Variants in DOCK1 observed in about 807,000 individuals in gnomAD.
DOCK1 encodes the protein dedicator of cytokinesis protein 1.
In DOCK1, 138 loss-of-function variants were observed where a neutral mutation model predicts 262.7. That is an observed-to-expected ratio of 0.53 (90% CI 0.46 to 0.61). The LOEUF (loss-of-function observed/expected upper bound fraction) is 0.61. Among genes scored for constraint, DOCK1 ranks in the 20% least tolerant of loss-of-function variants. The pLI is 0.00. For synonymous variants in DOCK1, 866 were observed against 867.4 expected, an observed-to-expected ratio of 1.00 and a Z score of 0.03; for missense variants, 1,908 against 2,370.7, an observed-to-expected ratio of 0.80 and a Z score of 4.05.
chr10:127,229,328 C>T (rs2058754408), intron 27 of DOCK1, among the ~76,000 whole-genome samples: 1 of 152,166 alleles, frequency 6.6e-6, no homozygotes. Flanking sequence ...GTGATGTAGA[C>T]TTCTTGAACT....
intron 29 of DOCK1, among the ~76,000 whole-genome samples, chr10:127,294,171 C>G (rs935811972): frequency 4.2e-4 from 64 of 152,140 alleles, no homozygotes; most frequent in African/African-American, 1.5e-3. Flanking sequence ...CTTGGGGTGT[C>G]CAGTTTAAGG....
In DOCK1 at chr10:127,234,330, G is replaced by C. The variant is rs147109374; in HGVS notation, c.2848-13678G>C. 6.2e-4 allele frequency among the ~76,000 whole-genome samples: 95 copies of C among 152,144 alleles called. 1 individual carries two copies. The East Asian group carries it at 0.017, about 27-fold the overall frequency. On this transcript the variant is annotated intron_variant, in intron 27 of 51. Coordinates refer to ENST00000623213, the MANE Select transcript of DOCK1 (RefSeq NM_001290223.2). Reference sequence around the variant, plus strand: ...TTGGAAGTAATAGGAGAATTCTGTAGGTTCAATTGCAAAATGTACACATCA... The same window carrying C: ...TTGGAAGTAATAGGAGAATTCTGTACGTTCAATTGCAAAATGTACACATCA...
intron 38 of DOCK1, among the ~76,000 whole-genome samples, chr10:127,389,369 A>G (rs1926430): frequency 0.29 from 44,542 of 152,102 alleles, 7,060 homozygotes; most frequent in Admixed American, 0.46. Context: ...GACAAAGGCC[A>G]CGGCTGAAGG....
In DOCK1 at chr10:127,322,214, G is replaced by A. The variant is rs372518737; in HGVS notation, c.3045-16792G>A. Among the ~76,000 whole-genome samples, 8 of 146,508 alleles carry A rather than the reference G, an allele frequency of 5.5e-5. No individual in the cohort carries two copies. The East Asian group carries it at 1.4e-3, about 27-fold the overall frequency. On this transcript the variant is annotated intron_variant, in intron 29 of 51. Coordinates refer to ENST00000623213, the MANE Select transcript of DOCK1 (RefSeq NM_001290223.2). ...TTTTTTTTTTTTTTTCCTGGAGACA[G>A]AGTCTTACTCTGCTGCCCAGGCTAG... is the stretch of plus-strand genomic sequence containing the variant.
In DOCK1 at chr10:127,037,711, G is replaced by T. The variant is rs1289245037; in HGVS notation, c.1913-8G>T. ...TGTGAAGATCTGATTGTCATTTTCT[G>T]TTTCCAGTGGACCTTCTGGGGCTCT... On this transcript the variant is annotated splice_polypyrimidine_tract_variant and splice_region_variant and intron_variant, in intron 18 of 51. Coordinates refer to ENST00000623213, the MANE Select transcript of DOCK1 (RefSeq NM_001290223.2). 6.3e-7 allele frequency: 1 copy of T among 1,575,840 alleles called. No homozygotes were observed. Among genetic ancestry groups the T allele is most frequent in the Admixed American group, 1.9e-5 (1 of 54,010 alleles).
chr10:127,223,726 A>G (rs900725221), intron 27 of DOCK1, among the ~76,000 whole-genome samples: 9 of 152,218 alleles, frequency 5.9e-5, no homozygotes, highest in Non-Finnish European at 1.3e-4. Context: ...ACAGATGAGC[A>G]CTTTACTTTT....
chr10:127,431,630 G>T (rs2069296172), intron 47 of DOCK1, among the ~76,000 whole-genome samples: 1 of 152,206 alleles, frequency 6.6e-6, no homozygotes, highest in Non-Finnish European at 1.5e-5. Flanking sequence ...CTCTCTGCTG[G>T]CAAATCCCAG....
At chr10:127,370,691 T>C (rs967928493) in intron 33 of DOCK1, among the ~76,000 whole-genome samples, 6 of 152,224 alleles carry the variant, frequency 3.9e-5, no homozygotes, top group African/African-American at 1.4e-4. Flanking sequence ...TGTTTCCTTT[T>C]TAAGTTAATT....
chr10:127,090,983 G>GGTTTTT (rs1380593983), intron 23 of DOCK1, among the ~76,000 whole-genome samples: 1 of 137,206 alleles, frequency 7.3e-6, no homozygotes, highest in African/African-American at 2.7e-5. Flanking sequence ...CGTCTATTTG[G>GGTTTTT]TTTTTTTTTT....
At chr10:127,358,479 G>A (rs1266221447) in intron 32 of DOCK1, among the ~76,000 whole-genome samples, 1 of 152,176 alleles carries the variant, frequency 6.6e-6, no homozygotes, top group Admixed American at 6.5e-5. Context: ...GCAGCAGCCT[G>A]CCGGAGCACC....
chr10:127,385,427 A>AT (rs2066056009), intron 38 of DOCK1, among the ~76,000 whole-genome samples: 1 of 118,136 alleles, frequency 8.5e-6, no homozygotes, highest in African/African-American at 3.2e-5. Context: ...TGCAGTAACT[A>AT]TTTAAAAAAA....
chr10:127,371,953 TC>T (rs978988715), intron 33 of DOCK1, among the ~76,000 whole-genome samples: 2 of 152,176 alleles, frequency 1.3e-5, no homozygotes, highest in Non-Finnish European at 2.9e-5. Flanking sequence ...AGAAAAAAAA[TC>T]TAAAGCAATT....
At chr10:127,041,154 A>G (rs112688770) in intron 19 of DOCK1, among the ~76,000 whole-genome samples, 16 of 152,148 alleles carry the variant, frequency 1.1e-4, no homozygotes, top group African/African-American at 3.9e-4. Context: ...CAAAGGCGCA[A>G]TCTCAGGATC....
chr10:127,146,848 C>G (rs1225036308), intron 27 of DOCK1, among the ~76,000 whole-genome samples: 1 of 152,166 alleles, frequency 6.6e-6, no homozygotes, highest in Admixed American at 6.5e-5. Context: ...ATTCTGCATA[C>G]AAATGCAATT....
intron 27 of DOCK1, among the ~76,000 whole-genome samples, chr10:127,222,786 C>T (rs1301327212): frequency 1.1e-5 from 1 of 95,044 alleles, no homozygotes; most frequent in Non-Finnish European, 2.5e-5. Flanking sequence ...TCACTTTAGC[C>T]TCCCAAGTAG....
chr10:126,981,884 A>G (rs2134850416), intron 3 of DOCK1, 34 bp from the exon 4 acceptor site: 4 of 1,598,900 alleles, frequency 2.5e-6, no homozygotes, highest in Non-Finnish European at 3.4e-6. Flanking sequence ...TCCTATTGAT[A>G]ATAAAAGCTA....
intron 28 of DOCK1, among the ~76,000 whole-genome samples, chr10:127,255,121 C>T (rs1045618462): frequency 1.3e-5 from 2 of 152,156 alleles, no homozygotes; most frequent in Admixed American, 6.5e-5. Flanking sequence ...AACATGCAGC[C>T]GGGCACAGTG....
chr10:127,109,113 C>T (rs2136238632), intron 24 of DOCK1, among the ~76,000 whole-genome samples: 1 of 152,256 alleles, frequency 6.6e-6, no homozygotes, highest in African/African-American at 2.4e-5. Context: ...CTTGGTTTTG[C>T]ATTTTCTTAA....
intron 1 of DOCK1, among the ~76,000 whole-genome samples, chr10:126,960,434 G>A (rs1211898700): frequency 3.3e-5 from 5 of 151,200 alleles, no homozygotes; most frequent in Non-Finnish European, 7.4e-5. Context: ...GTCGCCTGGC[G>A]GTATATTGTC....
Sources: gnomAD v4.1 joint callset for allele counts (sites outside exome capture counted in the v4.1 genomes callset) on GRCh38, gnomAD v4.1.1 for gene constraint, MANE v1.5 for transcripts, NCBI Gene and HGNC (gene_info 2026-07-23, HGNC 2026-07-21) for gene names.